The following GNAL variants were observed in gnomAD, a reference collection of about 807,000 sequenced individuals.
GNAL encodes the protein guanine nucleotide-binding protein G(olf) subunit alpha.
GNAL carries 18 observed loss-of-function variants against 55.1 expected under a neutral mutation model. That is an observed-to-expected ratio of 0.33 (90% CI 0.23 to 0.48). The LOEUF (loss-of-function observed/expected upper bound fraction) is 0.48, where lower values mean the gene tolerates loss of function less well. GNAL is among the 20% of genes least tolerant of loss of function. The pLI, the probability that GNAL is intolerant of heterozygous loss-of-function variation, is 0.99. For missense variants in GNAL, 412 were observed against 614.1 expected, an observed-to-expected ratio of 0.67 and a Z score of 3.48; for synonymous variants, 253 against 237.0, an observed-to-expected ratio of 1.07 and a Z score of -0.62.
In GNAL at chr18:11,868,739, G is replaced by T. The variant is rs111226018; in HGVS notation, c.1031+76G>T. The T allele has an allele frequency of 1.1e-5, 14 of 1,293,608 alleles. No homozygotes were observed. The highest frequency in any genetic ancestry group is 3.0e-5 in the African/African-American group (2 of 67,432). The allele number at this position is 1,293,608 out of a possible 1,614,324, so 80.1% of individuals were successfully genotyped here. ...TGTTAAAAATACGCTCAGGCCAGGCGTTGTGGCTCACACCTGTAATCTCAA... is the reference window on the plus strand; with the variant it reads ...TGTTAAAAATACGCTCAGGCCAGGCTTTGTGGCTCACACCTGTAATCTCAA... On this transcript the variant is annotated intron_variant, in intron 9 of 11. Coordinates refer to ENST00000334049, the MANE Select transcript of GNAL (RefSeq NM_182978.4). This position sits in a 1 kb window ranked among gnomAD's most constrained non-coding sequence, Gnocchi z 4.0.
intron 1 of GNAL, among the ~76,000 whole-genome samples, chr18:11,695,922 GCACACACACA>G (rs10661294): frequency 2.9e-5 from 4 of 136,050 alleles, no homozygotes; most frequent in Admixed American, 1.4e-4. Flanking sequence ...ATGCACGCAT[GCACACACACA>G]CACACACACA....
At chr18:11,722,621 A>G (rs2032120819) in intron 1 of GNAL, among the ~76,000 whole-genome samples, 1 of 152,360 alleles carries the variant, frequency 6.6e-6, no homozygotes, top group African/African-American at 2.4e-5. Flanking sequence ...CTGTAATCCC[A>G]GCAATTTGGG....
chr18:11,761,179 C>T (rs1464280862), intron 4 of GNAL, among the ~76,000 whole-genome samples: 1 of 152,140 alleles, frequency 6.6e-6, no homozygotes, highest in African/African-American at 2.4e-5. Flanking sequence ...GTCAGTCGCA[C>T]CCCTTAGCTG....
intron 5 of GNAL, among the ~76,000 whole-genome samples, chr18:11,845,999 C>G (rs1284449545): frequency 6.6e-6 from 1 of 152,050 alleles, no homozygotes; most frequent in Admixed American, 6.6e-5. Flanking sequence ...TTGAGTGGCC[C>G]TCTCTGGTGA....
In GNAL at chr18:11,884,379, T is replaced by A; in HGVS notation, c.*3244T>A. On this transcript the variant is annotated 3_prime_UTR_variant, in exon 12 of 12. Transcript: ENST00000334049. Reference sequence around the variant, plus strand: ...GTAATTGGTCTCATCATCCACTTGATTCTAACATGATCTCTGCCCAAAGTT... The same window carrying A: ...GTAATTGGTCTCATCATCCACTTGAATCTAACATGATCTCTGCCCAAAGTT... The A allele has an allele frequency of 6.6e-7, 1 of 1,518,282 alleles. No homozygotes were observed. The highest frequency in any genetic ancestry group is 2.0e-4 in the Middle Eastern group (1 of 4,922). 94.1% of individuals were successfully genotyped at this position (1,518,282 alleles called of 1,614,324 possible). A position where few individuals can be genotyped will look rare whatever the true frequency, so the allele number is the denominator to read the frequency against.
intron 3 of GNAL, 25 bp from the exon 4 acceptor site, chr18:11,753,801 T>TG: frequency 1.3e-6 from 2 of 1,579,256 alleles, no homozygotes; most frequent in Non-Finnish European, 1.7e-6. Context: ...TGTTTATCCA[T>TG]ATTTTTTTTC....
chr18:11,876,952 C>G (rs2036546003), intron 11 of GNAL, among the ~76,000 whole-genome samples: 1 of 152,190 alleles, frequency 6.6e-6, no homozygotes, highest in South Asian at 2.1e-4. Context: ...ATGGGCTAGA[C>G]TTCATTCACT....
intron 1 of GNAL, among the ~76,000 whole-genome samples, chr18:11,725,714 G>A (rs765132276): frequency 2.0e-4 from 31 of 152,300 alleles, no homozygotes; most frequent in African/African-American, 4.8e-4. Context: ...TTTGGCAATC[G>A]TGAGTAAAGC....
intron 6 of GNAL, among the ~76,000 whole-genome samples, chr18:11,862,704 G>A (rs1321529825): frequency 3.9e-5 from 6 of 151,994 alleles, no homozygotes; most frequent in East Asian, 3.9e-4. Context: ...GGAATATGCC[G>A]TTCCTTTTCC....
intron 2 of GNAL, 120 bp downstream of exon 2, chr18:11,753,045 G>T: frequency 1.7e-6 from 1 of 585,294 alleles, no homozygotes; most frequent in Non-Finnish European, 3.1e-6. Context: ...CATTCAAGGG[G>T]GAAAAAATTA....
In GNAL at chr18:11,881,354, A is replaced by C; in HGVS notation, c.*219A>C. 2.3e-6 allele frequency: 1 copy of C among 440,636 alleles called. No individual in the cohort carries two copies. The highest frequency in any genetic ancestry group is 4.1e-6 in the Non-Finnish European group (1 of 243,262). 27.3% of individuals were successfully genotyped at this position (440,636 alleles called of 1,614,324 possible). On this transcript the variant is annotated 3_prime_UTR_variant, in exon 12 of 12. Coordinates refer to ENST00000334049, the MANE Select transcript of GNAL (RefSeq NM_182978.4). This position sits in a 1 kb window ranked among gnomAD's most constrained non-coding sequence, Gnocchi z 4.8. ...TCCCGCAGCATCCCACCCCCAAACC[A>C]CCGACTCTCATTGCCGACACTGCAG...
At chr18:11,710,868 CTGTTT>C (rs542715685) in intron 1 of GNAL, among the ~76,000 whole-genome samples, 4 of 151,872 alleles carry the variant, frequency 2.6e-5, no homozygotes, top group Admixed American at 1.3e-4. Flanking sequence ...TCAGTATGAA[CTGTTT>C]TGTTTTGTTT....
intron 1 of GNAL, among the ~76,000 whole-genome samples, chr18:11,711,368 A>G (rs1051681538): frequency 1.3e-5 from 2 of 150,970 alleles, no homozygotes; most frequent in Non-Finnish European, 3.0e-5. Context: ...GTGTCCTATA[A>G]CTTCCTTAGG....
At chr18:11,701,545 G>A (rs2031570271) in intron 1 of GNAL, among the ~76,000 whole-genome samples, 1 of 134,630 alleles carries the variant, frequency 7.4e-6, no homozygotes, top group Middle Eastern at 4.4e-3. Context: ...CAGCCTGGGT[G>A]ACAGAGCAAG....
rs569403623 is a variant in GNAL, at chr18:11,868,982, G to A, written c.1031+319G>A. ...AGATCACACTACTGCACTCCTGCCT[G>A]GGCAACAGAGCAAGACCTTGTCTCA... On this transcript the variant is annotated intron_variant, in intron 9 of 11. Coordinates refer to ENST00000334049, the MANE Select transcript of GNAL (RefSeq NM_182978.4). This position sits in a 1 kb window ranked among gnomAD's most constrained non-coding sequence, Gnocchi z 4.0. 1.4e-4 allele frequency among the ~76,000 whole-genome samples: 21 copies of A among 151,812 alleles called. No homozygotes were observed. Among genetic ancestry groups the A allele is most frequent in the Non-Finnish European group, 2.9e-4 (20 of 68,004 alleles).
At chr18:11,728,309 C>G (rs1404530620) in intron 1 of GNAL, among the ~76,000 whole-genome samples, 1 of 152,110 alleles carries the variant, frequency 6.6e-6, no homozygotes, top group East Asian at 1.9e-4. Context: ...ATTGTTGTCT[C>G]ATTTTAATGT....
chr18:11,869,133 ATTTTTTTTTATTAT>A (rs2036333079), intron 9 of GNAL, among the ~76,000 whole-genome samples: 1 of 143,868 alleles, frequency 7.0e-6, no homozygotes, highest in African/African-American at 2.7e-5. Context: ...AATGTGGAAT[ATTTTTTTTTATTAT>A]TTTTTTTTTA....
chr18:11,851,763 G>C (rs2143786224), intron 5 of GNAL: 1 of 1,614,014 alleles, frequency 6.2e-7, no homozygotes, highest in Non-Finnish European at 8.5e-7. Flanking sequence ...CGGCGGTGAC[G>C]ATGGGCAAGG....
chr18:11,697,663 C>G (rs1399749852), intron 1 of GNAL, among the ~76,000 whole-genome samples: 2 of 152,086 alleles, frequency 1.3e-5, no homozygotes, highest in Non-Finnish European at 2.9e-5. Context: ...AAAACGGAAT[C>G]CCGGGAACCT....
Sources: allele counts gnomAD v4.1 joint callset (sites outside exome capture counted in the v4.1 genomes callset), GRCh38; gene constraint gnomAD v4.1.1; non-coding constraint Gnocchi (gnomAD v3.1); transcripts MANE v1.5; gene names NCBI Gene and HGNC (gene_info 2026-07-23, HGNC 2026-07-21).